Variants in RPL37 observed in about 807,000 individuals in gnomAD.
RPL37 encodes the protein large ribosomal subunit protein eL37.
RPL37 carries 1 observed loss-of-function variant against 14.8 expected under a neutral mutation model. The ratio of observed to expected loss-of-function variants is 0.07; its 90% CI spans 0.02 to 0.32. The LOEUF (loss-of-function observed/expected upper bound fraction) is 0.32, where lower values mean the gene tolerates loss of function less well. RPL37 is among the 10% of genes least tolerant of loss of function. The pLI is 1.00. For missense variants in RPL37, 100 were observed against 128.3 expected, an observed-to-expected ratio of 0.78 and a Z score of 1.06; for synonymous variants, 53 against 45.8, an observed-to-expected ratio of 1.16 and a Z score of -0.63.
At chr5:40,834,740 C>G in intron 1 of RPL37, 134 bp from the exon 2 acceptor site, 4 of 1,018,918 alleles carry the variant, frequency 3.9e-6, no homozygotes, top group South Asian at 1.6e-5. Context: ...CCTCTTTCCA[C>G]GAATGCCAAG....
At chr5:40,833,987 C>T (rs1745703025) in intron 3 of RPL37, 194 bp downstream of exon 3, 1 of 576,212 alleles carries the variant, frequency 1.7e-6, no homozygotes, top group Admixed American at 3.0e-5. Flanking sequence ...TGAGGCTGCA[C>T]TGAGCCGTGA....
Position 40,826,026 on chromosome 5 carries a change from A to G in RPL37, c.*6478T>C, listed in dbSNP as rs1298479722. 6.6e-6 allele frequency: 1 copy of G among 152,152 alleles called. No homozygotes were observed. The highest frequency in any genetic ancestry group is 1.9e-4 in the East Asian group (1 of 5,186). The allele number at this position is 152,152 out of a possible 1,614,324, so 9.4% of individuals were successfully genotyped here. The stretch of plus-strand genomic sequence containing the variant: ...ACCCGGCCGCTCCTCAGTCAATTCT[A>G]AACAACTGTCCTCACTTGAGGAAGC... On this transcript the variant is annotated 3_prime_UTR_variant, in exon 4 of 4. Transcript: ENST00000274242.
At position 40,826,423 on chromosome 5, in the gene RPL37, G is replaced by C. The variant is rs576042333; in HGVS notation, c.*6081C>G. The C allele has an allele frequency of 3.1e-4, 47 of 152,228 alleles. No homozygotes were observed. The highest frequency in any genetic ancestry group is 1.1e-3 in the African/African-American group (45 of 41,538). 9.4% of individuals were successfully genotyped at this position (152,228 alleles called of 1,614,324 possible). A position where few individuals can be genotyped will look rare whatever the true frequency, so the allele number is the denominator to read the frequency against. Reference sequence around the variant, plus strand: ...TTTTTAGAATCCTCAGCCATATCAAGGATACAGAAGGGGTCTAGGATAGAG... The same window carrying C: ...TTTTTAGAATCCTCAGCCATATCAACGATACAGAAGGGGTCTAGGATAGAG... On this transcript the variant is annotated 3_prime_UTR_variant, in exon 4 of 4. Coordinates refer to ENST00000274242, the MANE Select transcript of RPL37 (RefSeq NM_000997.5).
At position 40,829,431 on chromosome 5, in the gene RPL37, C is replaced by T. The variant is rs1029351351; in HGVS notation, c.*3073G>A. ...ATTCTTTTCTTACCAACCCTACACC[C>T]CATCCTTCTAACCTGACAACCAAGG... On this transcript the variant is annotated 3_prime_UTR_variant, in exon 4 of 4. Transcript: ENST00000274242. 2.0e-5 allele frequency: 3 copies of T among 152,148 alleles called. No homozygotes were observed. Among genetic ancestry groups the T allele is most frequent in the African/African-American group, 4.8e-5 (2 of 41,438 alleles). 9.4% of individuals were successfully genotyped at this position (152,148 alleles called of 1,614,324 possible). A position where few individuals can be genotyped will look rare whatever the true frequency, so the allele number is the denominator to read the frequency against.
Position 40,834,282 on chromosome 5 carries a change from G to A in RPL37, c.140-17C>T. The A allele has an allele frequency of 6.2e-7, 1 of 1,611,580 alleles. No homozygotes were observed. The highest frequency in any genetic ancestry group is 8.5e-7 in the Non-Finnish European group (1 of 1,177,748). ...TCCAGTTATCTAAAACATAAGTTCA[G>A]AAAAGATTTCAAACGGTGTTCTCCC... On this transcript the variant is annotated splice_polypyrimidine_tract_variant and intron_variant, in intron 2 of 3. Transcript: ENST00000274242.
chr5:40,829,178 TGTAGAGAACTCCCGGACAG>T lies in RPL37; in HGVS notation c.*3307_*3325del. 6.6e-6 allele frequency: 1 copy of T among 152,238 alleles called. No homozygotes were observed. The highest frequency in any genetic ancestry group is 6.5e-5 in the Admixed American group (1 of 15,270). The allele number at this position is 152,238 out of a possible 1,614,324, so 9.4% of individuals were successfully genotyped here. On this transcript the variant is annotated 3_prime_UTR_variant, in exon 4 of 4. Coordinates refer to ENST00000274242, the MANE Select transcript of RPL37 (RefSeq NM_000997.5). ...GCACATTCAAGTTTTAGATGTTTTC[TGTAGAGAACTCCCGGACAG>T]CCCCACAGCCACTGCCTTAGTCTGT... is the stretch of plus-strand genomic sequence containing the variant.
chr5:40,832,363 C>A lies in RPL37; in HGVS notation c.*141G>T. 1 of 759,296 alleles carries A rather than the reference C, an allele frequency of 1.3e-6. No individual in the cohort carries two copies. The highest frequency in any genetic ancestry group is 2.4e-6 in the Non-Finnish European group (1 of 423,066). 47.0% of individuals were successfully genotyped at this position (759,296 alleles called of 1,614,324 possible). On this transcript the variant is annotated 3_prime_UTR_variant, in exon 4 of 4. Coordinates refer to ENST00000274242, the MANE Select transcript of RPL37 (RefSeq NM_000997.5). Reference sequence around the variant, plus strand: ...CAAAACAGTCACTTAACAAGTAAATCTGATATGAAGCTAGCCCAGTCCCTA... The same window carrying A: ...CAAAACAGTCACTTAACAAGTAAATATGATATGAAGCTAGCCCAGTCCCTA...
chr5:40,832,076 T>C lies in RPL37; in HGVS notation c.*428A>G. On this transcript the variant is annotated 3_prime_UTR_variant, in exon 4 of 4. Coordinates refer to ENST00000274242, the MANE Select transcript of RPL37 (RefSeq NM_000997.5). ...ACTCCTACCCATACGTTTCCAGTGGTACTCCCAAGCTCTATGTGACTAATA... is the reference window on the plus strand; with the variant it reads ...ACTCCTACCCATACGTTTCCAGTGGCACTCCCAAGCTCTATGTGACTAATA... The C allele has an allele frequency of 5.6e-6, 1 of 178,574 alleles. No individual in the cohort carries two copies. Among genetic ancestry groups the C allele is most frequent in the South Asian group, 1.2e-4 (1 of 8,312 alleles). 11.1% of individuals were successfully genotyped at this position (178,574 alleles called of 1,614,324 possible). A position where few individuals can be genotyped will look rare whatever the true frequency, so the allele number is the denominator to read the frequency against.
rs1745570104 is a variant in RPL37 at position 40,828,651 on chromosome 5, A to G, written c.*3853T>C. ...TAAAGACTAGCCTAAATTTTGCCAAATCCAGAATTTTAAAATATATCTTCA... is the reference window on the plus strand; with the variant it reads ...TAAAGACTAGCCTAAATTTTGCCAAGTCCAGAATTTTAAAATATATCTTCA... On this transcript the variant is annotated 3_prime_UTR_variant, in exon 4 of 4. Transcript: ENST00000274242. The G allele has an allele frequency of 6.6e-6, 1 of 152,224 alleles. No individual in the cohort carries two copies. The highest frequency in any genetic ancestry group is 6.5e-5 in the Admixed American group (1 of 15,280). The allele number at this position is 152,224 out of a possible 1,614,324, so 9.4% of individuals were successfully genotyped here.
At position 40,830,635 on chromosome 5, in the gene RPL37, T is replaced by C. The variant is rs1482897922; in HGVS notation, c.*1869A>G. On this transcript the variant is annotated 3_prime_UTR_variant, in exon 4 of 4. Transcript: ENST00000274242. ...CCTCAGCCTCTCAAGTAGCTAAGAC[T>C]ACAGGCACATGCCACCACACCCAGC... The C allele has an allele frequency of 6.6e-6, 1 of 152,596 alleles. No homozygotes were observed. Among genetic ancestry groups the C allele is most frequent in the East Asian group, 2.0e-4 (1 of 5,126 alleles). 9.5% of individuals were successfully genotyped at this position (152,596 alleles called of 1,614,324 possible). A position where few individuals can be genotyped will look rare whatever the true frequency, so the allele number is the denominator to read the frequency against.
rs1425316804 is a variant in RPL37, at chr5:40,834,053, CAATA to C, written c.224+124_224+127del. On this transcript the variant is annotated intron_variant, in intron 3 of 3. Coordinates refer to ENST00000274242, the MANE Select transcript of RPL37 (RefSeq NM_000997.5). ...TAGTGAAACCCTGCCTCAAAAACAA[CAATA>C]AATAAAAAGCTTCCAACATCTCATC... is the stretch of plus-strand genomic sequence containing the variant. The C allele has an allele frequency of 3.5e-5, 25 of 709,898 alleles. No individual in the cohort carries two copies. In the Admixed American group the frequency reaches 4.8e-4, roughly 14 times the overall value. The allele number at this position is 709,898 out of a possible 1,614,324, so 44.0% of individuals were successfully genotyped here. A position where few individuals can be genotyped will look rare whatever the true frequency, so the allele number is the denominator to read the frequency against.
chr5:40,832,763 C>T (rs1412893979), intron 3 of RPL37, 190 bp from the exon 4 acceptor site: 2 of 713,356 alleles, frequency 2.8e-6, no homozygotes, highest in South Asian at 2.8e-5. Context: ...TTAAAGATAC[C>T]CATTTTCGGA....
chr5:40,832,776 T>C (rs774261950), intron 3 of RPL37: 7 of 684,378 alleles, frequency 1.0e-5, no homozygotes, highest in East Asian at 5.5e-5. Context: ...TTTTCGGATA[T>C]AGTTAACTGC....
At position 40,835,198 on chromosome 5, in the gene RPL37, G is replaced by T. The variant is rs1023747089; in HGVS notation, c.-13C>A. The T allele has an allele frequency of 2.5e-6, 4 of 1,613,962 alleles. No individual in the cohort carries two copies. In the Admixed American group the frequency reaches 5.0e-5, roughly 20 times the overall value. ...CACAACTCACCATCTCGCTTCTGCG[G>T]CCGAGACCAGAAAGACCGGAAGAGA... On this transcript the variant is annotated 5_prime_UTR_variant, in exon 1 of 4. Coordinates refer to ENST00000274242, the MANE Select transcript of RPL37 (RefSeq NM_000997.5).
At position 40,834,736 on chromosome 5, in the gene RPL37, T is replaced by C. The variant is rs1179390748; in HGVS notation, c.4-130A>G. The C allele has an allele frequency of 5.7e-6, 6 of 1,045,446 alleles. No homozygotes were observed. In the African/African-American group the frequency reaches 9.6e-5, roughly 17 times the overall value. 64.8% of individuals were successfully genotyped at this position (1,045,446 alleles called of 1,614,324 possible). A position where few individuals can be genotyped will look rare whatever the true frequency, so the allele number is the denominator to read the frequency against. ...ATCGAAACTGCGGGAGAAGCCTCTT[T>C]CCACGAATGCCAAGTCAGAGACCAC... On this transcript the variant is annotated intron_variant, in intron 1 of 3. Transcript: ENST00000274242.
In RPL37 at chr5:40,831,874, T is replaced by C. The variant is rs896006646; in HGVS notation, c.*630A>G. On this transcript the variant is annotated 3_prime_UTR_variant, in exon 4 of 4. Transcript: ENST00000274242. The stretch of plus-strand genomic sequence containing the variant: ...CCTTTATTTCCTGCTCAATCTTTAC[T>C]TGCACCCAAGCCCTACTTTTTCTCA... 6.6e-6 allele frequency: 1 copy of C among 152,642 alleles called. No homozygotes were observed. The allele number at this position is 152,642 out of a possible 1,614,324, so 9.5% of individuals were successfully genotyped here. A position where few individuals can be genotyped will look rare whatever the true frequency, so the allele number is the denominator to read the frequency against.
At chr5:40,832,637 T>G in intron 3 of RPL37, 64 bp from the exon 4 acceptor site, 1 of 1,243,364 alleles carries the variant, frequency 8.0e-7, no homozygotes, top group Non-Finnish European at 1.2e-6. Flanking sequence ...TTTTAATTTT[T>G]GTTAAACAGA....
chr5:40,834,320 G>A lies in RPL37; in HGVS notation c.140-55C>T, dbSNP rs1323890243. ...ACGGTGTTCTCCCACACACCTTGTA[G>A]GTGTTGTTAACACACGAGTTTTATG... On this transcript the variant is annotated intron_variant, in intron 2 of 3. Coordinates refer to ENST00000274242, the MANE Select transcript of RPL37 (RefSeq NM_000997.5). 5 of 1,577,250 alleles carry A rather than the reference G, an allele frequency of 3.2e-6. No homozygotes were observed. The African/African-American group carries it at 4.0e-5, about 13-fold the overall frequency.
At chr5:40,833,931 C>T (rs918131394) in intron 3 of RPL37, 34 of 484,982 alleles carry the variant, frequency 7.0e-5, no homozygotes, top group Non-Finnish European at 1.1e-4. Context: ...CCTGTAGTCC[C>T]GGGTACTCGG....
Sources: gnomAD v4.1 joint callset for allele counts on GRCh38, gnomAD v4.1.1 for gene constraint, MANE v1.5 for transcripts, NCBI Gene and HGNC (gene_info 2026-07-23, HGNC 2026-07-21) for gene names.